The following ETHE1 variants were observed in gnomAD, a reference collection of about 807,000 sequenced individuals.
ETHE1 encodes ETHE1 persulfide dioxygenase, also known as persulfide dioxygenase ETHE1, mitochondrial.
In ETHE1, 16 loss-of-function variants were observed where a neutral mutation model predicts 25.7. The observed-to-expected ratio is 0.62, with a 90% confidence interval of 0.42 to 0.95. The LOEUF (loss-of-function observed/expected upper bound fraction) is 0.95, where lower values mean the gene tolerates loss of function less well. ETHE1 is among the 40% of genes least tolerant of loss of function. ETHE1 has a pLI of 0.00. For missense variants in ETHE1, 300 were observed against 333.6 expected, an observed-to-expected ratio of 0.90 and a Z score of 0.79; for synonymous variants, 139 against 135.9, an observed-to-expected ratio of 1.02 and a Z score of -0.16.
At chr19:43,520,343 C>T (rs1269810810) in intron 3 of ETHE1, among the ~76,000 whole-genome samples, 1 of 151,818 alleles carries the variant, frequency 6.6e-6, no homozygotes, top group African/African-American at 2.4e-5. Context: ...GCCTGGGCAA[C>T]AGAGTGAGAC....
intron 3 of ETHE1, among the ~76,000 whole-genome samples, chr19:43,516,650 GTCTC>G (rs1189502728): frequency 4.2e-5 from 5 of 118,676 alleles, no homozygotes; most frequent in African/African-American, 1.7e-4. Context: ...TTGAGATAGA[GTCTC>G]TCTCTGTCGC....
chr19:43,520,071 G>A (rs1285065221), intron 3 of ETHE1, among the ~76,000 whole-genome samples: 10 of 149,570 alleles, frequency 6.7e-5, no homozygotes, highest in Non-Finnish European at 1.5e-4. Context: ...AGAATAGGTC[G>A]GACACAGCAG....
chr19:43,511,228 T>C (rs1009987402), intron 4 of ETHE1, among the ~76,000 whole-genome samples: 2 of 152,182 alleles, frequency 1.3e-5, no homozygotes, highest in African/African-American at 4.8e-5. Flanking sequence ...TGCCCTGCCA[T>C]GGTCCATGGA....
intron 3 of ETHE1, among the ~76,000 whole-genome samples, chr19:43,518,744 CTT>C (rs1212915241): frequency 2.1e-5 from 2 of 95,952 alleles, no homozygotes; most frequent in Admixed American, 2.9e-4. Context: ...GAGCGAGACT[CTT>C]GTCTCAAAAA....
At chr19:43,510,191 G>GGTT (rs796082928) in intron 4 of ETHE1, among the ~76,000 whole-genome samples, 10 of 152,182 alleles carry the variant, frequency 6.6e-5, no homozygotes, top group African/African-American at 2.4e-4. Flanking sequence ...CTCAAAGGAT[G>GGTT]GCCCAACCCT....
Position 43,511,483 on chromosome 19 carries a change from T to C in ETHE1, c.459A>G (p.Gly153=). ...CACACCCACGGATCAACAGGGCATC[T>C]CCAGTGAAGGCCATGCTGTGGTCAT... ...VLNDHSMAFT[G]DALLIRGCGR... is the part of the protein sequence containing the mutation. The change falls in exon 4 of 7, where the codon GGA becomes GGG. Residue 153 remains glycine, a synonymous_variant. Transcript: ENST00000292147. 1 of 1,614,134 alleles carries C rather than the reference T, an allele frequency of 6.2e-7. No individual in the cohort carries two copies. Among genetic ancestry groups the C allele is most frequent in the Non-Finnish European group, 8.5e-7 (1 of 1,180,028 alleles).
intron 3 of ETHE1, among the ~76,000 whole-genome samples, chr19:43,518,214 T>C (rs1415748332): frequency 6.6e-6 from 1 of 151,950 alleles, no homozygotes; most frequent in African/African-American, 2.4e-5. Flanking sequence ...AATTGTATCC[T>C]GGTTCCTAAA....
rs1338607855 is a variant in ETHE1, at chr19:43,521,549, C to T, written c.375+4652G>A. 2.0e-5 allele frequency among the ~76,000 whole-genome samples: 3 copies of T among 151,862 alleles called. No homozygotes were observed. In the East Asian group the frequency reaches 5.8e-4, roughly 29 times the overall value. Reference sequence around the variant, plus strand: ...TTGAAACAGCCTCAAGAGGAAGGTGCTGTGATAAACCCTGTGTTTTAGCGC... The same window carrying T: ...TTGAAACAGCCTCAAGAGGAAGGTGTTGTGATAAACCCTGTGTTTTAGCGC... On this transcript the variant is annotated intron_variant, in intron 3 of 6. Transcript: ENST00000292147.
rs540452683 is a variant in ETHE1 at position 43,523,420 on chromosome 19, G to C, written c.375+2781C>G. ...GCCTCCTGAGTAGCTGGGATTACAG[G>C]TGCCTCACCACCATACCGCTTAATT... On this transcript the variant is annotated intron_variant, in intron 3 of 6. Coordinates refer to ENST00000292147, the MANE Select transcript of ETHE1 (RefSeq NM_014297.5). Among the ~76,000 whole-genome samples the C allele has an allele frequency of 5.9e-5, 9 of 152,090 alleles. No homozygotes were observed. In the East Asian group the frequency reaches 1.8e-3, roughly 30 times the overall value.
At chr19:43,525,843 G>A in intron 3 of ETHE1, 1 of 349,784 alleles carries the variant, frequency 2.9e-6, no homozygotes, top group South Asian at 2.6e-5. Flanking sequence ...GTTTCCGCAA[G>A]ACAGGACTGG....
In ETHE1 at chr19:43,511,704, T is replaced by C. The variant is rs1170420701; in HGVS notation, c.376-138A>G. On this transcript the variant is annotated intron_variant, in intron 3 of 6. Transcript: ENST00000292147. Reference sequence around the variant, plus strand: ...AAATGTAGATTCCCAGGCTGTAATCTTATATTATCAGAGTAAACTCCAAGT... The same window carrying C: ...AAATGTAGATTCCCAGGCTGTAATCCTATATTATCAGAGTAAACTCCAAGT... 3 of 966,916 alleles carry C rather than the reference T, an allele frequency of 3.1e-6. No individual in the cohort carries two copies. The East Asian group carries it at 7.9e-5, about 26-fold the overall frequency. The allele number at this position is 966,916 out of a possible 1,614,324, so 59.9% of individuals were successfully genotyped here.
At chr19:43,513,723 AT>A (rs35743582) in intron 3 of ETHE1, among the ~76,000 whole-genome samples, 391 of 138,810 alleles carry the variant, frequency 2.8e-3, no homozygotes, top group South Asian at 4.9e-3. Flanking sequence ...TTTGTTGTTG[AT>A]TTTTTTTTTT....
intron 3 of ETHE1, among the ~76,000 whole-genome samples, chr19:43,513,733 T>C (rs980170013): frequency 3.8e-4 from 58 of 151,740 alleles, no homozygotes; most frequent in Non-Finnish European, 8.0e-4. Flanking sequence ...ATTTTTTTTT[T>C]TTTTTGGAGA....
In ETHE1 at chr19:43,506,741, TA is replaced by T; in HGVS notation, c.*108del. ...GACTCACGTTAAAAAAAGTTTTATT[TA>T]GGGAGCTCCAGGGAATGCGGTGGGA... On this transcript the variant is annotated 3_prime_UTR_variant, in exon 7 of 7. Transcript: ENST00000292147. 1 of 1,096,748 alleles carries T rather than the reference TA, an allele frequency of 9.1e-7. No homozygotes were observed. 67.9% of individuals were successfully genotyped at this position (1,096,748 alleles called of 1,614,324 possible). A position where few individuals can be genotyped will look rare whatever the true frequency, so the allele number is the denominator to read the frequency against.
At chr19:43,507,807 AGGAGTCCAGGCCCCCAGCCCCT>A in intron 6 of ETHE1, 115 bp downstream of exon 6, 1 of 611,668 alleles carries the variant, frequency 1.6e-6, no homozygotes. Flanking sequence ...CCTCAGACCC[AGGAGTCCAGGCCCCCAGCCCCT>A]CCTCCCTCAG....
intron 3 of ETHE1, among the ~76,000 whole-genome samples, chr19:43,523,193 G>C (rs1325314547): frequency 6.6e-6 from 1 of 152,162 alleles, no homozygotes; most frequent in Admixed American, 6.5e-5. Context: ...GTTCTGTATC[G>C]GGATCTGGGT....
intron 3 of ETHE1, 141 bp downstream of exon 3, chr19:43,526,060 A>C (rs111747844): frequency 1.5e-6 from 2 of 1,309,506 alleles, no homozygotes; most frequent in African/African-American, 2.9e-5. Context: ...CCTCCCAGAA[A>C]TATGAGCTCA....
intron 3 of ETHE1, among the ~76,000 whole-genome samples, chr19:43,518,129 G>C (rs1032150778): frequency 6.6e-6 from 1 of 150,646 alleles, no homozygotes; most frequent in Admixed American, 6.6e-5. Flanking sequence ...AAAACAAAAA[G>C]AAAAGAAGGA....
chr19:43,523,484 C>T (rs984725438), intron 3 of ETHE1, among the ~76,000 whole-genome samples: 1 of 148,090 alleles, frequency 6.8e-6, no homozygotes, highest in African/African-American at 2.5e-5. Flanking sequence ...ACCATGTTGG[C>T]CAGGCTGATC....
Sources: allele counts gnomAD v4.1 joint callset (sites outside exome capture counted in the v4.1 genomes callset), GRCh38; gene constraint gnomAD v4.1.1; transcripts MANE v1.5; gene names NCBI Gene and HGNC (gene_info 2026-07-23, HGNC 2026-07-21).